Variants in CSGALNACT1 observed in about 807,000 individuals in gnomAD.
CSGALNACT1 encodes the protein beta4GalNAcT-1.
In CSGALNACT1, 52 loss-of-function variants were observed where a neutral mutation model predicts 51.0. The ratio of observed to expected loss-of-function variants is 1.02; its 90% CI spans 0.82 to 1.29. The LOEUF is 1.29. CSGALNACT1 is among the 50% of genes most tolerant of loss of function. The probability of loss-of-function intolerance (pLI) is 0.00; values close to 1 mark genes in which losing one functional copy is unlikely to be tolerated. For synonymous variants in CSGALNACT1, 341 were observed against 254.4 expected, an observed-to-expected ratio of 1.34 and a Z score of -3.24; for missense variants, 935 against 679.2, an observed-to-expected ratio of 1.38 and a Z score of -4.19.
At chr8:19,404,917 C>T (rs1294871237) in exon 10 of CSGALNACT1, 1 of 454,136 alleles carries the variant, frequency 2.2e-6, no homozygotes, top group African/African-American at 2.0e-5. Context: ...TGTATTAGTA[C>T]AAACCATTCC....
rs528268759 is a variant in CSGALNACT1, at chr8:19,659,603, C to A, written c.-544+22870G>T. Among the ~76,000 whole-genome samples the A allele has an allele frequency of 2.6e-5, 4 of 152,268 alleles. No individual in the cohort carries two copies. In the East Asian group the frequency reaches 7.7e-4, roughly 29 times the overall value. ...AATCTGCCTGGATCACATAAGTTAC[C>A]ACGAAAGTGCTTTTCAACAAAATCA... On this transcript the variant is annotated intron_variant, in intron 1 of 9. Transcript: ENST00000332246.
At chr8:19,409,410 G>T in intron 8 of CSGALNACT1, among the ~76,000 whole-genome samples, 1 of 152,062 alleles carries the variant, frequency 6.6e-6, no homozygotes, top group Non-Finnish European at 1.5e-5. Flanking sequence ...TCCAGACACT[G>T]CCCAGTCTCT....
rs572618223 is a variant in CSGALNACT1 at position 19,523,979 on chromosome 8, C to T, written c.-296-17849G>A. Among the ~76,000 whole-genome samples, 11 of 152,188 alleles carry T rather than the reference C, an allele frequency of 7.2e-5. No individual in the cohort carries two copies. In the South Asian group the frequency reaches 2.3e-3, roughly 32 times the overall value. On this transcript the variant is annotated intron_variant, in intron 3 of 9. Transcript: ENST00000454498. Reference sequence around the variant, plus strand: ...AGAGATGGAAAAACTTGGGAGAATACCCAAATCATCATGGATATAAAATAT... The same window carrying T: ...AGAGATGGAAAAACTTGGGAGAATATCCAAATCATCATGGATATAAAATAT...
At chr8:19,493,982 C>A (rs116754286) in intron 4 of CSGALNACT1, among the ~76,000 whole-genome samples, 2,061 of 152,088 alleles carry the variant, frequency 0.014, 48 homozygotes, top group African/African-American at 0.047. Flanking sequence ...ATTTTCCAAA[C>A]CTGCCTCCAA....
intron 4 of CSGALNACT1, among the ~76,000 whole-genome samples, chr8:19,476,029 T>G (rs2069521186): frequency 6.6e-6 from 1 of 152,216 alleles, no homozygotes; most frequent in South Asian, 2.1e-4. Flanking sequence ...CTTAGGATTT[T>G]GACAGCCACC....
intron 5 of CSGALNACT1, among the ~76,000 whole-genome samples, chr8:19,441,834 A>C (rs2061374149): frequency 6.6e-6 from 1 of 152,148 alleles, no homozygotes; most frequent in African/African-American, 2.4e-5. Context: ...ACAAAGGGCT[A>C]ATATCCAGAA....
intron 6 of CSGALNACT1, among the ~76,000 whole-genome samples, chr8:19,430,161 C>A (rs1264916087): frequency 1.3e-5 from 2 of 152,164 alleles, no homozygotes; most frequent in Admixed American, 6.5e-5. Context: ...TATAAGCTGT[C>A]TTTTCACTTT....
intron 3 of CSGALNACT1, among the ~76,000 whole-genome samples, chr8:19,582,140 TTCTC>T (rs1232991647): frequency 6.6e-6 from 1 of 152,192 alleles, no homozygotes; most frequent in East Asian, 1.9e-4. Context: ...ACTTGGCCCT[TTCTC>T]AGGAGGGCCG....
chr8:19,576,586 C>T (rs555480938), intron 3 of CSGALNACT1, among the ~76,000 whole-genome samples: 1 of 152,014 alleles, frequency 6.6e-6, no homozygotes, highest in East Asian at 1.9e-4. Flanking sequence ...TGGAGACCCC[C>T]AACGAGTCTT....
At chr8:19,536,113 A>T (rs1326315519) in intron 3 of CSGALNACT1, among the ~76,000 whole-genome samples, 1 of 152,230 alleles carries the variant, frequency 6.6e-6, no homozygotes, top group South Asian at 2.1e-4. Flanking sequence ...GAGTGAGTCC[A>T]GCAGGAACAA....
chr8:19,599,022 A>G (rs555561118), intron 2 of CSGALNACT1, among the ~76,000 whole-genome samples: 30 of 152,276 alleles, frequency 2.0e-4, no homozygotes, highest in African/African-American at 7.0e-4. Context: ...TATGCTAGGT[A>G]GAGAGAGTGT....
At chr8:19,500,431 T>C (rs745897367) in intron 4 of CSGALNACT1, among the ~76,000 whole-genome samples, 106 of 148,366 alleles carry the variant, frequency 7.1e-4, no homozygotes, top group Middle Eastern at 7.2e-3. Flanking sequence ...TGAAAGGCTG[T>C]CTTATGATTT....
chr8:19,514,885 T>A (rs1010825628), intron 3 of CSGALNACT1, among the ~76,000 whole-genome samples: 1 of 152,142 alleles, frequency 6.6e-6, no homozygotes, highest in Non-Finnish European at 1.5e-5. Context: ...TGTAGTATTA[T>A]GTATTTACAA....
chr8:19,664,378 C>T (rs1237206482), intron 1 of CSGALNACT1, among the ~76,000 whole-genome samples: 1 of 152,302 alleles, frequency 6.6e-6, no homozygotes, highest in Non-Finnish European at 1.5e-5. Flanking sequence ...CACTTCTATA[C>T]TGCTGGTGGG....
chr8:19,570,273 C>T (rs781326301), intron 3 of CSGALNACT1, among the ~76,000 whole-genome samples: 22 of 152,072 alleles, frequency 1.4e-4, no homozygotes, highest in African/African-American at 4.6e-4. Context: ...GCTTAATATT[C>T]GTTTTAATCA....
intron 1 of CSGALNACT1, among the ~76,000 whole-genome samples, chr8:19,672,565 A>G (rs1261735644): frequency 2.6e-5 from 4 of 152,200 alleles, no homozygotes; most frequent in African/African-American, 9.7e-5. Context: ...TTGACTATCT[A>G]ATATAAATGC....
upstream of CSGALNACT1, among the ~76,000 whole-genome samples, chr8:19,605,966 G>C (rs1449500152): frequency 6.6e-6 from 1 of 152,054 alleles, no homozygotes; most frequent in Non-Finnish European, 1.5e-5. Flanking sequence ...TGTCCAAAGG[G>C]CTTCAAAAAC....
At chr8:19,708,039 CA>C (rs1209455674) in intron 1 of CSGALNACT1, among the ~76,000 whole-genome samples, 4 of 151,932 alleles carry the variant, frequency 2.6e-5, no homozygotes, top group Non-Finnish European at 4.4e-5. Context: ...ATATAAACAA[CA>C]AAAAAACACT....
intron 1 of CSGALNACT1, among the ~76,000 whole-genome samples, chr8:19,623,799 C>T (rs1303117231): frequency 2.0e-5 from 3 of 152,308 alleles, no homozygotes; most frequent in Admixed American, 1.3e-4. Context: ...AATCTCTAAG[C>T]CAGAATGGGC....
Sources: gnomAD v4.1 joint callset for allele counts (sites outside exome capture counted in the v4.1 genomes callset) on GRCh38, gnomAD v4.1.1 for gene constraint, MANE v1.5 for transcripts, NCBI Gene and HGNC (gene_info 2026-07-23, HGNC 2026-07-21) for gene names.